The following GPC6 variants were observed in gnomAD, a reference collection of about 807,000 sequenced individuals.
GPC6 encodes the protein glypican 6, also known as glypican-6.
In GPC6, 14 loss-of-function variants were observed where a neutral mutation model predicts 55.2. The ratio of observed to expected loss-of-function variants is 0.25; its 90% CI spans 0.17 to 0.40. GPC6 has a LOEUF of 0.40. Among genes scored for constraint, GPC6 ranks in the 10% least tolerant of loss-of-function variants. The probability of loss-of-function intolerance (pLI) is 1.00; values close to 1 mark genes in which losing one functional copy is unlikely to be tolerated. For missense variants in GPC6, 641 were observed against 708.5 expected, an observed-to-expected ratio of 0.90 and a Z score of 1.08; for synonymous variants, 278 against 259.6, an observed-to-expected ratio of 1.07 and a Z score of -0.68.
rs180889786 is a variant in GPC6, at chr13:93,831,815, G to A, written c.711+1270G>A. Among the ~76,000 whole-genome samples, 271 of 151,498 alleles carry A rather than the reference G, an allele frequency of 1.8e-3. 3 individuals carry two copies. The highest frequency in any genetic ancestry group is 3.4e-3 in the Middle Eastern group (1 of 294). The stretch of plus-strand genomic sequence containing the variant: ...ATGTTTAAAATAATATCTTTGCCGG[G>A]CGCGGTGGCTCACATCTGTAATCCC... On this transcript the variant is annotated intron_variant, in intron 3 of 8. Coordinates refer to ENST00000377047, the MANE Select transcript of GPC6 (RefSeq NM_005708.5).
At chr13:93,243,408 G>T (rs74108044) in intron 1 of GPC6, among the ~76,000 whole-genome samples, 6,264 of 152,178 alleles carry the variant, frequency 0.041, 221 homozygotes, top group East Asian at 0.097. Context: ...CATGTCTCTA[G>T]TCAGCCATCT....
chr13:93,728,914 T>C (rs904456258), intron 2 of GPC6, among the ~76,000 whole-genome samples: 4 of 152,148 alleles, frequency 2.6e-5, no homozygotes, highest in Non-Finnish European at 5.9e-5. Flanking sequence ...GGACTTTGCT[T>C]TTCTAGATCA....
At chr13:93,353,337 C>T (rs1880698794) in intron 1 of GPC6, among the ~76,000 whole-genome samples, 1 of 152,138 alleles carries the variant, frequency 6.6e-6, no homozygotes, top group Admixed American at 6.5e-5. Flanking sequence ...CTGAAACACT[C>T]CAACAGGGCC....
chr13:94,165,277 T>C lies in GPC6; in HGVS notation c.878-121072T>C, dbSNP rs533181296. Among the ~76,000 whole-genome samples the C allele has an allele frequency of 8.7e-4, 120 of 137,898 alleles. No individual in the cohort carries two copies. In the East Asian group the frequency reaches 0.012, roughly 14 times the overall value. The allele number at this position is 137,898 out of a possible 152,430, so 90.5% of individuals were successfully genotyped here. A position where few individuals can be genotyped will look rare whatever the true frequency, so the allele number is the denominator to read the frequency against. The stretch of plus-strand genomic sequence containing the variant: ...ATATGTATACATATATATATACACA[T>C]ATATATATATATATACATAATGGAA... On this transcript the variant is annotated intron_variant, in intron 4 of 8. Transcript: ENST00000377047.
chr13:94,174,932 G>A (rs1888692799), intron 4 of GPC6, among the ~76,000 whole-genome samples: 1 of 152,010 alleles, frequency 6.6e-6, no homozygotes, highest in African/African-American at 2.4e-5. Context: ...ATGAGTACAG[G>A]TTCCTGTAGC....
intron 4 of GPC6, among the ~76,000 whole-genome samples, chr13:94,098,330 T>A (rs146177498): frequency 6.6e-6 from 1 of 152,206 alleles, no homozygotes; most frequent in Non-Finnish European, 1.5e-5. Context: ...ATTTGACCCA[T>A]GTAGACCAAT....
intron 3 of GPC6, among the ~76,000 whole-genome samples, chr13:93,841,009 A>G (rs1368759582): frequency 6.6e-6 from 1 of 152,160 alleles, no homozygotes; most frequent in African/African-American, 2.4e-5. Context: ...TCTGTGAAAC[A>G]AGGTTTGCAC....
chr13:93,789,988 C>T (rs1885975999), intron 2 of GPC6, among the ~76,000 whole-genome samples: 1 of 152,012 alleles, frequency 6.6e-6, no homozygotes, highest in Non-Finnish European at 1.5e-5. Flanking sequence ...ATTAAAAGTA[C>T]TTGAATATGT....
chr13:94,393,445 T>A (rs1880755881), intron 7 of GPC6, among the ~76,000 whole-genome samples: 1 of 152,204 alleles, frequency 6.6e-6, no homozygotes, highest in Admixed American at 6.5e-5. Context: ...TTACATCTAC[T>A]TAGATGAGTA....
chr13:94,206,808 G>A (rs968628325), intron 4 of GPC6, among the ~76,000 whole-genome samples: 9 of 152,114 alleles, frequency 5.9e-5, no homozygotes, highest in African/African-American at 1.7e-4. Context: ...AGCTGAGATC[G>A]CGCCACTGCA....
rs559316790 is a variant in GPC6, at chr13:93,527,625, T to C, written c.161-17638T>C. Among the ~76,000 whole-genome samples, 251 of 152,234 alleles carry C rather than the reference T, an allele frequency of 1.6e-3. 2 individuals are homozygous for C. The highest frequency in any genetic ancestry group is 3.8e-3 in the Admixed American group (58 of 15,284). On this transcript the variant is annotated intron_variant, in intron 1 of 8. Transcript: ENST00000377047. ...AAGTGGTATCATTTTAATATTTAGG[T>C]ACCTATACACAAATTTTAGAAAGAG...
chr13:93,998,430 A>G (rs1881653404), intron 3 of GPC6, among the ~76,000 whole-genome samples: 1 of 152,186 alleles, frequency 6.6e-6, no homozygotes, highest in South Asian at 2.1e-4. Flanking sequence ...TTAAGCAGAA[A>G]GAAGCCCAGT....
intron 1 of GPC6, among the ~76,000 whole-genome samples, chr13:93,285,009 C>T (rs1270738010): frequency 6.6e-6 from 1 of 152,084 alleles, no homozygotes; most frequent in Non-Finnish European, 1.5e-5. Flanking sequence ...CTTCAAGGCA[C>T]AGGGAGTAAG....
chr13:93,433,797 G>C (rs1325672080), intron 1 of GPC6, among the ~76,000 whole-genome samples: 2 of 152,054 alleles, frequency 1.3e-5, no homozygotes, highest in Non-Finnish European at 2.9e-5. Context: ...CATAGTCTTT[G>C]CCTTACCAAT....
At chr13:94,142,505 T>C (rs1367573339) in intron 4 of GPC6, among the ~76,000 whole-genome samples, 1 of 152,206 alleles carries the variant, frequency 6.6e-6, no homozygotes, top group Non-Finnish European at 1.5e-5. Context: ...CTTAATACTT[T>C]AGGATTTTCC....
Position 93,452,112 on chromosome 13 carries a change from GCTA to G in GPC6, c.161-93149_161-93147del, listed in dbSNP as rs1324915285. ...GTTAGGTAGTGAGGTGATGCTATGT[GCTA>G]CATGGTAGCTGTTATAGCTGAAATT... is the stretch of plus-strand genomic sequence containing the variant. On this transcript the variant is annotated intron_variant, in intron 1 of 8. Coordinates refer to ENST00000377047, the MANE Select transcript of GPC6 (RefSeq NM_005708.5). Among the ~76,000 whole-genome samples, 3 of 152,162 alleles carry G rather than the reference GCTA, an allele frequency of 2.0e-5. No individual in the cohort carries two copies. The East Asian group carries it at 5.8e-4, about 29-fold the overall frequency.
intron 6 of GPC6, among the ~76,000 whole-genome samples, chr13:94,370,111 C>A (rs143811161): frequency 6.6e-6 from 1 of 152,186 alleles, no homozygotes; most frequent in African/African-American, 2.4e-5. Flanking sequence ...GGCTAAAAGC[C>A]ATGGCTTCTA....
chr13:93,749,704 C>A (rs963317137), intron 2 of GPC6, among the ~76,000 whole-genome samples: 1 of 151,870 alleles, frequency 6.6e-6, no homozygotes, highest in South Asian at 2.1e-4. Context: ...AAATGAACAA[C>A]CCCAGGGAAA....
chr13:93,520,973 T>A (rs2139399315), intron 1 of GPC6, among the ~76,000 whole-genome samples: 1 of 152,056 alleles, frequency 6.6e-6, no homozygotes, highest in Admixed American at 6.6e-5. Context: ...CGTTAAGTAA[T>A]CTCTACATTA....
Sources: gnomAD v4.1 joint callset for allele counts (sites outside exome capture counted in the v4.1 genomes callset) on GRCh38, gnomAD v4.1.1 for gene constraint, MANE v1.5 for transcripts, NCBI Gene and HGNC (gene_info 2026-07-23, HGNC 2026-07-21) for gene names.